Variants in DNAH11 observed in about 807,000 individuals in gnomAD.
DNAH11 encodes dynein axonemal heavy chain 11, also known as axonemal beta dynein heavy chain 11.
DNAH11 carries 442 observed loss-of-function variants against 526.0 expected under a neutral mutation model. The ratio of observed to expected loss-of-function variants is 0.84; its 90% CI spans 0.78 to 0.91. DNAH11 has a LOEUF of 0.91. DNAH11 is among the 40% of genes least tolerant of loss of function. The probability of loss-of-function intolerance (pLI) is 0.00; values close to 1 mark genes in which losing one functional copy is unlikely to be tolerated. For missense variants in DNAH11, 6,989 were observed against 5,448.7 expected, an observed-to-expected ratio of 1.28 and a Z score of -8.90; for synonymous variants, 2,461 against 1,935.9, an observed-to-expected ratio of 1.27 and a Z score of -7.12.
At chr7:21,576,536 C>T (rs1259362041) in intron 8 of DNAH11, among the ~76,000 whole-genome samples, 4 of 152,126 alleles carry the variant, frequency 2.6e-5, no homozygotes, top group Non-Finnish European at 4.4e-5. Flanking sequence ...AAGCCAAGAC[C>T]CTATCAAGCA....
At chr7:21,732,264 C>A (rs759331520) in intron 45 of DNAH11, among the ~76,000 whole-genome samples, 4 of 152,226 alleles carry the variant, frequency 2.6e-5, no homozygotes, top group African/African-American at 4.8e-5. Context: ...TGCATCCTCA[C>A]ATGGCTTTTC....
At chr7:21,625,553 AGTTT>A (rs748521894) in intron 25 of DNAH11, among the ~76,000 whole-genome samples, 2 of 151,818 alleles carry the variant, frequency 1.3e-5, no homozygotes, top group South Asian at 2.1e-4. Flanking sequence ...TTGTGGGCTT[AGTTT>A]GTTCTTCTTT....
intron 44 of DNAH11, 78 bp downstream of exon 44, chr7:21,720,934 T>C: frequency 6.5e-7 from 1 of 1,531,054 alleles, no homozygotes; most frequent in Non-Finnish European, 8.8e-7. Flanking sequence ...AAACATGTGA[T>C]CTGTACCTTT....
intron 6 of DNAH11, among the ~76,000 whole-genome samples, chr7:21,567,344 A>T (rs1783711211): frequency 2.0e-5 from 3 of 152,130 alleles, no homozygotes; most frequent in Non-Finnish European, 4.4e-5. Flanking sequence ...GAATTTATTG[A>T]TAAAGTTTTT....
intron 42 of DNAH11, among the ~76,000 whole-genome samples, chr7:21,713,451 A>C (rs555221110): frequency 6.6e-6 from 1 of 152,244 alleles, no homozygotes; most frequent in African/African-American, 2.4e-5. Flanking sequence ...CTGTGACTGC[A>C]GGTCACAGCT....
At chr7:21,619,720 G>A (rs947992179) in intron 24 of DNAH11, among the ~76,000 whole-genome samples, 1 of 152,114 alleles carries the variant, frequency 6.6e-6, no homozygotes, top group Non-Finnish European at 1.5e-5. Flanking sequence ...GGTTAGGGAT[G>A]ATAAACTCAC....
At chr7:21,794,054 A>C (rs1317752949) in intron 61 of DNAH11, among the ~76,000 whole-genome samples, 1 of 152,170 alleles carries the variant, frequency 6.6e-6, no homozygotes, top group African/African-American at 2.4e-5. Flanking sequence ...TAAAGCCTCA[A>C]ATTCATTTTT....
chr7:21,786,539 T>G, intron 58 of DNAH11, 85 bp from the exon 59 acceptor site: 2 of 1,488,722 alleles, frequency 1.3e-6, no homozygotes, highest in Non-Finnish European at 1.8e-6. Flanking sequence ...GGGAGTCCAC[T>G]AAAGCCTTGC....
At chr7:21,884,441 A>C (rs1583810561) in intron 76 of DNAH11, 31 bp downstream of exon 76, 5 of 1,578,864 alleles carry the variant, frequency 3.2e-6, no homozygotes, top group Non-Finnish European at 4.3e-6. Context: ...TTTGTAAATA[A>C]ATTTCACTGA....
chr7:21,676,169 A>T (rs1323339583), intron 30 of DNAH11, among the ~76,000 whole-genome samples: 1 of 152,188 alleles, frequency 6.6e-6, no homozygotes, highest in East Asian at 1.9e-4. Context: ...GCTTATTTCT[A>T]GTTCAAGATA....
At chr7:21,787,339 G>T in intron 59 of DNAH11, 62 bp from the exon 60 acceptor site, 1 of 1,511,026 alleles carries the variant, frequency 6.6e-7, no homozygotes, top group South Asian at 1.3e-5. Flanking sequence ...TTTAACTTTT[G>T]ATCTTGGAAT....
At position 21,786,639 on chromosome 7, in the gene DNAH11, C is replaced by A; in HGVS notation, c.9613C>A (p.Leu3205Met). The change falls in exon 59 of 82, where the codon CTG becomes ATG. Residue 3205 changes from leucine to methionine, a missense_variant. Transcript: ENST00000409508. ...NTLNRVNLSELKAFPNPPIAV... is the reference protein window; with the variant it reads ...NTLNRVNLSEMKAFPNPPIAV... The stretch of plus-strand genomic sequence containing the variant: ...TTTTCTTCAGGTCAACCTCAGTGAG[C>A]TGAAAGCCTTTCCCAACCCTCCCAT... The A allele has an allele frequency of 6.2e-7, 1 of 1,613,084 alleles. No individual in the cohort carries two copies. Among genetic ancestry groups the A allele is most frequent in the Non-Finnish European group, 8.5e-7 (1 of 1,179,282 alleles).
At chr7:21,622,017 G>C (rs899162976) in intron 25 of DNAH11, among the ~76,000 whole-genome samples, 1 of 152,132 alleles carries the variant, frequency 6.6e-6, no homozygotes, top group Non-Finnish European at 1.5e-5. Flanking sequence ...TAGGAAAAGA[G>C]GAAGTCAAAT....
intron 61 of DNAH11, among the ~76,000 whole-genome samples, chr7:21,794,544 G>T (rs1305593482): frequency 6.6e-6 from 1 of 152,106 alleles, no homozygotes; most frequent in Non-Finnish European, 1.5e-5. Flanking sequence ...TGAGGGTAAG[G>T]GGCCCCAAGA....
chr7:21,863,738 T>G (rs1783164617), intron 69 of DNAH11, among the ~76,000 whole-genome samples: 2 of 152,250 alleles, frequency 1.3e-5, no homozygotes, highest in Admixed American at 1.3e-4. Flanking sequence ...CCTGACAATC[T>G]ATATAAATCA....
intron 2 of DNAH11, among the ~76,000 whole-genome samples, chr7:21,545,643 G>A (rs928832884): frequency 2.6e-5 from 4 of 152,156 alleles, no homozygotes; most frequent in African/African-American, 9.7e-5. Context: ...TGTTAGAAAT[G>A]GTTCTTAAAC....
chr7:21,580,386 C>T (rs992858916), intron 8 of DNAH11, among the ~76,000 whole-genome samples: 1 of 152,194 alleles, frequency 6.6e-6, no homozygotes, highest in Non-Finnish European at 1.5e-5. Flanking sequence ...GAAACTTCCT[C>T]TTGATGCTAA....
At chr7:21,787,875 T>A (rs1235319511) in intron 60 of DNAH11, among the ~76,000 whole-genome samples, 1 of 152,234 alleles carries the variant, frequency 6.6e-6, no homozygotes. Context: ...CATTTAAATA[T>A]TTAATTCATG....
In DNAH11 at chr7:21,816,649, G is replaced by T. The variant is rs774060919; in HGVS notation, c.10515G>T (p.Trp3505Cys). ...ATCCCCAGCAACAGGGAATTAAGTG[G>T]ATCAAGAATAAGTATGGAATGGACC... ...VIDPQQQGIK[W>C]IKNKYGMDLK... The change falls in exon 64 of 82, where the codon TGG (tryptophan) becomes TGT (cysteine). Residue 3505 changes from tryptophan to cysteine, a missense_variant. Transcript: ENST00000409508. The T allele has an allele frequency of 2.1e-5, 34 of 1,613,602 alleles. No individual in the cohort carries two copies. The East Asian group carries it at 7.1e-4, about 34-fold the overall frequency.
Sources: gnomAD v4.1 joint callset for allele counts (sites outside exome capture counted in the v4.1 genomes callset) on GRCh38, gnomAD v4.1.1 for gene constraint, MANE v1.5 for transcripts, NCBI Gene and HGNC (gene_info 2026-07-23, HGNC 2026-07-21) for gene names.